CCDC110: variants seen among roughly 807,000 people sequenced by gnomAD.
CCDC110 encodes the protein coiled-coil domain containing 110.
Under a neutral mutation model 77.1 loss-of-function variants are expected in CCDC110, and 70 were observed. That is an observed-to-expected ratio of 0.91 (90% CI 0.75 to 1.11). The LOEUF is 1.11. CCDC110 is among the 50% of genes least tolerant of loss of function. The pLI, the probability that CCDC110 is intolerant of heterozygous loss-of-function variation, is 0.00. For missense variants in CCDC110, 868 were observed against 942.9 expected, an observed-to-expected ratio of 0.92 and a Z score of 1.04; for synonymous variants, 295 against 312.5, an observed-to-expected ratio of 0.94 and a Z score of 0.59.
chr4:185,448,794 G>A (rs1392683634), intron 6 of CCDC110, among the ~76,000 whole-genome samples: 1 of 152,164 alleles, frequency 6.6e-6, no homozygotes, highest in South Asian at 2.1e-4. Context: ...GAAGGGGGCA[G>A]TATTTCAGGT....
At chr4:185,461,867 G>A (rs1239533290) in intron 4 of CCDC110, among the ~76,000 whole-genome samples, 1 of 152,190 alleles carries the variant, frequency 6.6e-6, no homozygotes, top group Non-Finnish European at 1.5e-5. Flanking sequence ...GGAGACTGAG[G>A]TGGGCAGATC....
At chr4:185,471,572 G>A in intron 1 of CCDC110, 102 bp downstream of exon 1, 1 of 1,317,630 alleles carries the variant, frequency 7.6e-7, no homozygotes, top group Non-Finnish European at 1.0e-6. Context: ...GGCGGACCCG[G>A]GATGTCCCGG....
intron 3 of CCDC110, 124 bp downstream of exon 3, chr4:185,462,870 C>G (rs1043831329): frequency 9.6e-7 from 1 of 1,038,170 alleles, no homozygotes; most frequent in Non-Finnish European, 1.5e-6. Flanking sequence ...CCCCAATGTG[C>G]TTTCATGGAG....
intron 6 of CCDC110, chr4:185,457,396 G>C: frequency 4.5e-6 from 2 of 440,864 alleles, no homozygotes; most frequent in Admixed American, 4.9e-5. Context: ...ACTCTCTCCT[G>C]TAATGCAATC....
At position 185,458,527 on chromosome 4, in the gene CCDC110, G is replaced by A. The variant is rs1385407322; in HGVS notation, c.2060C>T (p.Ala687Val). The change falls in exon 6 of 7, where the codon GCA (alanine) becomes GTA (valine). Residue 687 changes from alanine (A) to valine (V), a missense_variant. Physicochemically the swap from Ala to Val is moderately conservative, Grantham distance 64. Coordinates refer to ENST00000307588, the MANE Select transcript of CCDC110 (RefSeq NM_152775.4). ...TGACAAGCTATTCTTATAAATACTT[G>A]CTTCTGATTTTGCATTTTTTATTTC... ...LQEIKNAKSEASIYKNSLSEI... is the reference protein window; with the variant it reads ...LQEIKNAKSEVSIYKNSLSEI... 1.9e-6 allele frequency: 3 copies of A among 1,607,854 alleles called. No individual in the cohort carries two copies. Among genetic ancestry groups the A allele is most frequent in the East Asian group, 2.2e-5 (1 of 44,676 alleles).
In CCDC110 at chr4:185,445,439, G is replaced by C; in HGVS notation, c.*63C>G. ...AGATGAGTTAGATATGCATAGTTCA[G>C]TTAGCAGTACAATTAACATTGGCTA... On this transcript the variant is annotated 3_prime_UTR_variant, in exon 7 of 7. Coordinates refer to ENST00000307588, the MANE Select transcript of CCDC110 (RefSeq NM_152775.4). 1 of 1,147,106 alleles carries C rather than the reference G, an allele frequency of 8.7e-7. No homozygotes were observed. The highest frequency in any genetic ancestry group is 2.4e-5 in the East Asian group (1 of 42,424). The allele number at this position is 1,147,106 out of a possible 1,614,324, so 71.1% of individuals were successfully genotyped here.
At chr4:185,457,122 T>C (rs1300508922) in intron 6 of CCDC110, 1 of 369,734 alleles carries the variant, frequency 2.7e-6, no homozygotes, top group Non-Finnish European at 5.4e-6. Flanking sequence ...TTAACATAAT[T>C]TACCATATTA....
At chr4:185,466,568 G>A (rs887089517) in intron 2 of CCDC110, among the ~76,000 whole-genome samples, 2 of 116,466 alleles carry the variant, frequency 1.7e-5, no homozygotes, top group Middle Eastern at 4.8e-3. Flanking sequence ...AAAGTCAAGA[G>A]GGATTTTTTT....
Position 185,462,707 on chromosome 4 carries a change from A to T in CCDC110, c.173T>A (p.Val58Asp), listed in dbSNP as rs775324685. ...NQIQPQSALK[V>D]LQQQLESFQA... is the part of the protein sequence containing the mutation. ...AAATGATTCCAACTGCTGCTGAAGG[A>T]CCTATGACAAAAGTAAAGTATGAAA... Residue 58 changes from valine (V) to aspartate (D), a missense_variant and splice_region_variant, in exon 4 of 7, where the codon GTC becomes GAC. Transcript: ENST00000307588. 3 of 1,612,940 alleles carry T rather than the reference A, an allele frequency of 1.9e-6. No homozygotes were observed. The highest frequency in any genetic ancestry group is 2.5e-6 in the Non-Finnish European group (3 of 1,178,902).
chr4:185,452,888 C>CAAA (rs70962569), intron 6 of CCDC110, among the ~76,000 whole-genome samples: 29 of 67,214 alleles, frequency 4.3e-4, no homozygotes, highest in Non-Finnish European at 6.4e-4. Context: ...GAGTGAGACT[C>CAAA]AAAAAAAAAA....
chr4:185,459,054 T>C lies in CCDC110; in HGVS notation c.1533A>G (p.Ile511Met). 6.4e-7 allele frequency: 1 copy of C among 1,566,406 alleles called. No homozygotes were observed. The highest frequency in any genetic ancestry group is 1.2e-5 in the South Asian group (1 of 84,056). The part of the protein sequence containing the change: ...SKECLKEFKK[I>M]ISKYNVLQGQ... Reference sequence around the variant, plus strand: ...CTTGCAGAACATTATATTTACTAATTATTTTTTTAAATTCTTTAAGACACT... The same window carrying C: ...CTTGCAGAACATTATATTTACTAATCATTTTTTTAAATTCTTTAAGACACT... The change falls in exon 6 of 7, where the codon ATA (isoleucine) becomes ATG (methionine). Residue 511 changes from isoleucine to methionine, a missense_variant. Physicochemically the swap from Ile to Met is conservative, Grantham distance 10. Transcript: ENST00000307588.
rs1172530457 is a variant in CCDC110, at chr4:185,458,881, A to G, written c.1706T>C (p.Ile569Thr). ...ATTGGTTTTCATTGCTTCCATTTCTATACTCATTCGATTATTTTCATTATT... is the reference window on the plus strand; with the variant it reads ...ATTGGTTTTCATTGCTTCCATTTCTGTACTCATTCGATTATTTTCATTATT... ...IVNNENNRMS[I>T]EMEAMKTNIL... The change falls in exon 6 of 7, where the codon ATA becomes ACA. Residue 569 changes from isoleucine to threonine, a missense_variant. Ile to Thr is a moderately conservative substitution (Grantham distance 89, BLOSUM62 -1). Coordinates refer to ENST00000307588, the MANE Select transcript of CCDC110 (RefSeq NM_152775.4). 1 of 1,606,642 alleles carries G rather than the reference A, an allele frequency of 6.2e-7. No homozygotes were observed. The highest frequency in any genetic ancestry group is 8.5e-7 in the Non-Finnish European group (1 of 1,178,452).
chr4:185,451,704 C>T (rs950522308), intron 6 of CCDC110, among the ~76,000 whole-genome samples: 1 of 152,172 alleles, frequency 6.6e-6, no homozygotes, highest in Non-Finnish European at 1.5e-5. Flanking sequence ...GGCGTGGTGG[C>T]TCATGCCTGT....
Position 185,462,659 on chromosome 4 carries a change from A to G in CCDC110, c.221T>C (p.Leu74Ser). 1.9e-6 allele frequency: 3 copies of G among 1,613,700 alleles called. No individual in the cohort carries two copies. The highest frequency in any genetic ancestry group is 2.5e-6 in the Non-Finnish European group (3 of 1,179,554). The part of the protein sequence containing the change: ...ESFQALRMQT[L>S]QNVSMVQSEI... ...GAAACATACCATGCTGACATTCTGC[A>G]AAGTCTGCATTCGCAAAGCCTGAAA... The change falls in exon 4 of 7, where the codon TTG (leucine) becomes TCG (serine). Residue 74 changes from leucine to serine, a missense_variant. Physicochemically the swap from Leu to Ser is moderately radical, Grantham distance 145. Transcript: ENST00000307588.
At chr4:185,467,472 C>A (rs2095658338) in intron 2 of CCDC110, among the ~76,000 whole-genome samples, 1 of 152,088 alleles carries the variant, frequency 6.6e-6, no homozygotes, top group Non-Finnish European at 1.5e-5. Context: ...CACCATTTAC[C>A]AAGTCCCTGC....
intron 6 of CCDC110, among the ~76,000 whole-genome samples, chr4:185,451,722 A>G (rs1268233229): frequency 3.9e-5 from 6 of 152,210 alleles, no homozygotes; most frequent in Non-Finnish European, 4.4e-5. Context: ...TGTAATCCCA[A>G]TTCTTTTGAG....
In CCDC110 at chr4:185,458,611, T is replaced by C. The variant is rs752988955; in HGVS notation, c.1976A>G (p.Glu659Gly). The C allele has an allele frequency of 1.9e-6, 3 of 1,608,296 alleles. No homozygotes were observed. Among genetic ancestry groups the C allele is most frequent in the South Asian group, 2.2e-5 (2 of 90,742 alleles). ...QESTAARQIM[E>G]REIENIQTYQ... ...GGTTTGAATATTCTCAATTTCTCTT[T>C]CCATAATTTGTCTGGCAGCAGTAGA... The change falls in exon 6 of 7, where the codon GAA (glutamate) becomes GGA (glycine). Residue 659 changes from glutamate (E) to glycine (G), a missense_variant. Transcript: ENST00000307588.
intron 6 of CCDC110, among the ~76,000 whole-genome samples, chr4:185,447,239 T>C (rs1443017164): frequency 6.6e-6 from 1 of 151,948 alleles, no homozygotes; most frequent in East Asian, 1.9e-4. Flanking sequence ...TGGAATGCAG[T>C]GGCACGATCT....
intron 2 of CCDC110, among the ~76,000 whole-genome samples, chr4:185,469,806 A>C (rs1007727773): frequency 7.2e-5 from 11 of 152,164 alleles, no homozygotes; most frequent in Non-Finnish European, 1.5e-4. Flanking sequence ...GGGCCCTGAC[A>C]AGGCTTTTTG....
Sources: allele counts gnomAD v4.1 joint callset (sites outside exome capture counted in the v4.1 genomes callset), GRCh38; gene constraint gnomAD v4.1.1; transcripts MANE v1.5; gene names NCBI Gene and HGNC (gene_info 2026-07-23, HGNC 2026-07-21).